The following OTUD3 variants were observed in gnomAD, a reference collection of about 807,000 sequenced individuals.
OTUD3 encodes OTU deubiquitinase 3.
Under a neutral mutation model 46.2 loss-of-function variants are expected in OTUD3, and 24 were observed. The ratio of observed to expected loss-of-function variants is 0.52; its 90% CI spans 0.38 to 0.73. OTUD3 has a LOEUF of 0.73. Ranked by LOEUF, OTUD3 falls within the 30% of genes least tolerant of loss-of-function variation. The pLI is 0.00. For missense variants in OTUD3, 455 were observed against 523.3 expected (o/e 0.87, Z 1.27); for synonymous variants, 189 against 195.4 (o/e 0.97, Z 0.27).
chr1:19,898,648 T>G (rs892402492), intron 4 of OTUD3, among the ~76,000 whole-genome samples: 2 of 151,284 alleles, frequency 1.3e-5, no homozygotes, highest in Non-Finnish European at 2.9e-5. Context: ...GAATCACTTG[T>G]ACCTGGGAGG....
rs1325874338 is a variant in OTUD3 at position 19,912,558 on chromosome 1, A to T, written c.*4812A>T. On this transcript the variant is annotated 3_prime_UTR_variant, in exon 8 of 8. Transcript: ENST00000375120. ...TACAGAGGGGTGGATGTATCCGTGG[A>T]GGAGGGGCCTTCTCTCTTTCTAATT... 4 of 152,600 alleles carry T rather than the reference A, an allele frequency of 2.6e-5. No individual in the cohort carries two copies. Among genetic ancestry groups the T allele is most frequent in the Non-Finnish European group, 4.4e-5 (3 of 68,112 alleles). 9.5% of individuals were successfully genotyped at this position (152,600 alleles called of 1,614,324 possible).
chr1:19,892,887 C>G (rs2100270578), intron 2 of OTUD3, among the ~76,000 whole-genome samples: 1 of 152,282 alleles, frequency 6.6e-6, no homozygotes, highest in Middle Eastern at 3.4e-3. Flanking sequence ...CTTTTTAGTT[C>G]TTCATGATCT....
chr1:19,896,830 T>C (rs2045524116), intron 3 of OTUD3, among the ~76,000 whole-genome samples: 1 of 152,158 alleles, frequency 6.6e-6, no homozygotes. Flanking sequence ...GGAGCCCCAT[T>C]CTTGTGCTGT....
At position 19,907,589 on chromosome 1, in the gene OTUD3, G is replaced by A. The variant is rs61752512; in HGVS notation, c.1040G>A (p.Arg347Gln). The A allele has an allele frequency of 1.7e-3, 2,761 of 1,614,042 alleles. 5 individuals carry two copies. Among genetic ancestry groups the A allele is most frequent in the Non-Finnish European group, 2.1e-3 (2,453 of 1,179,994 alleles). The change falls in exon 8 of 8, where the codon CGA becomes CAA. Residue 347 changes from arginine to glutamine, a missense_variant. Coordinates refer to ENST00000375120, the MANE Select transcript of OTUD3 (RefSeq NM_015207.2). ...QLAKVTNKQR[R>Q]EQQWMEKKKR... is the part of the protein sequence containing the mutation. ...TCTCAGGTCACAAACAAACAGAGGC[G>A]AGAACAGCAGTGGATGGAGAAGAAG...
Position 19,882,407 on chromosome 1 carries a change from T to C in OTUD3, c.-107T>C. On this transcript the variant is annotated 5_prime_UTR_variant, in exon 1 of 8. Transcript: ENST00000375120. ...CGCAGGCGCGGTTGCTGCGTAGTCGTCGCCGGGCTCCGTTGCCCGCGCTGT... is the reference window on the plus strand; with the variant it reads ...CGCAGGCGCGGTTGCTGCGTAGTCGCCGCCGGGCTCCGTTGCCCGCGCTGT... 8 of 1,299,430 alleles carry C rather than the reference T, an allele frequency of 6.2e-6. No individual in the cohort carries two copies. The highest frequency in any genetic ancestry group is 7.8e-6 in the Non-Finnish European group (8 of 1,026,568). The allele number at this position is 1,299,430 out of a possible 1,614,324, so 80.5% of individuals were successfully genotyped here. A position where few individuals can be genotyped will look rare whatever the true frequency, so the allele number is the denominator to read the frequency against.
At chr1:19,884,272 C>G (rs910153011) in intron 1 of OTUD3, among the ~76,000 whole-genome samples, 5 of 152,050 alleles carry the variant, frequency 3.3e-5, no homozygotes, top group African/African-American at 9.7e-5. Context: ...CTGAAGTACT[C>G]AATAGAAGGT....
rs760149018 is a variant in OTUD3, at chr1:19,906,507, G to A, written c.911G>A (p.Gly304Asp). 6.8e-6 allele frequency: 11 copies of A among 1,614,100 alleles called. No homozygotes were observed. The highest frequency in any genetic ancestry group is 8.5e-6 in the Non-Finnish European group (10 of 1,180,008). The change falls in exon 7 of 8, where the codon GGT becomes GAT. Residue 304 changes from glycine to aspartate, a missense_variant. Coordinates refer to ENST00000375120, the MANE Select transcript of OTUD3 (RefSeq NM_015207.2). The part of the protein sequence containing the change: ...CGPLWEEGGS[G>D]ARIFGNQGLN... ...CCTTTGTGGGAGGAGGGTGGCAGTG[G>A]TGCCAGAATCTTTGGAAATCAGGGC...
rs1359582424 is a variant in OTUD3, at chr1:19,909,682, G to A, written c.*1936G>A. On this transcript the variant is annotated 3_prime_UTR_variant, in exon 8 of 8. Transcript: ENST00000375120. The stretch of plus-strand genomic sequence containing the variant: ...GATTGTATGCCAGAAATTCAGATTA[G>A]CAGTCAGCTTAAGAGAGACTTATTG... 6.6e-6 allele frequency: 1 copy of A among 152,346 alleles called. No homozygotes were observed. The allele number at this position is 152,346 out of a possible 1,614,324, so 9.4% of individuals were successfully genotyped here.
At chr1:19,882,868 C>A in intron 1 of OTUD3, 134 bp downstream of exon 1, 1 of 761,152 alleles carries the variant, frequency 1.3e-6, no homozygotes, top group Non-Finnish European at 1.8e-6. Context: ...AGCCACGCTC[C>A]GAGTGCAGGG....
chr1:19,887,243 C>T (rs2045376910), intron 1 of OTUD3, among the ~76,000 whole-genome samples: 1 of 152,092 alleles, frequency 6.6e-6, no homozygotes, highest in African/African-American at 2.4e-5. Context: ...CGCCACCATA[C>T]CTGGCTAATT....
intron 1 of OTUD3, among the ~76,000 whole-genome samples, chr1:19,885,327 G>A (rs2045342405): frequency 6.6e-6 from 1 of 152,196 alleles, no homozygotes; most frequent in African/African-American, 2.4e-5. Context: ...CTTCACATGA[G>A]TTCCATTAGC....
At chr1:19,885,545 C>T (rs766961616) in intron 1 of OTUD3, among the ~76,000 whole-genome samples, 3 of 152,174 alleles carry the variant, frequency 2.0e-5, no homozygotes, top group Non-Finnish European at 2.9e-5. Context: ...TCTCTGCCTC[C>T]TGGGTTCAAA....
chr1:19,905,610 G>A (rs2045649396), intron 6 of OTUD3, among the ~76,000 whole-genome samples: 1 of 151,866 alleles, frequency 6.6e-6, no homozygotes, highest in African/African-American at 2.4e-5. Flanking sequence ...GTGTGGTGGC[G>A]GGTGCCTGTA....
chr1:19,896,942 G>A (rs113915664), intron 3 of OTUD3, among the ~76,000 whole-genome samples: 4,803 of 152,260 alleles, frequency 0.032, 111 homozygotes, highest in Non-Finnish European at 0.048. Context: ...TGAAGCTGAC[G>A]TAGGTAGGAG....
intron 4 of OTUD3, 121 bp from the exon 5 acceptor site, chr1:19,904,146 G>T (rs979219059): frequency 1.4e-5 from 9 of 640,340 alleles, no homozygotes; most frequent in African/African-American, 1.8e-5. Flanking sequence ...TCTTAAGGTT[G>T]TTTCTAGAAG....
chr1:19,894,991 T>G (rs995912854), intron 3 of OTUD3, among the ~76,000 whole-genome samples: 1 of 152,226 alleles, frequency 6.6e-6, no homozygotes, highest in Non-Finnish European at 1.5e-5. Context: ...TATTTAAAAT[T>G]TTATTCAATC....
intron 3 of OTUD3, among the ~76,000 whole-genome samples, chr1:19,895,254 A>T (rs1428756592): frequency 6.6e-6 from 1 of 152,254 alleles, no homozygotes; most frequent in African/African-American, 2.4e-5. Flanking sequence ...GCTCAGTCAT[A>T]GCCTTTGCTG....
Position 19,894,349 on chromosome 1 carries a change from C to T in OTUD3, c.371-19C>T, listed in dbSNP as rs751342084. On this transcript the variant is annotated intron_variant, in intron 2 of 7. Transcript: ENST00000375120. ...TTTCCACTATAAAGACGTCATTTTTCTTTCCTATTTCCATGCAGTGGCCAG... is the reference window on the plus strand; with the variant it reads ...TTTCCACTATAAAGACGTCATTTTTTTTTCCTATTTCCATGCAGTGGCCAG... 4 of 1,457,798 alleles carry T rather than the reference C, an allele frequency of 2.7e-6. No individual in the cohort carries two copies. Among genetic ancestry groups the T allele is most frequent in the African/African-American group, 2.8e-5 (2 of 70,808 alleles). 90.3% of individuals were successfully genotyped at this position (1,457,798 alleles called of 1,614,324 possible).
chr1:19,905,856 T>TGA (rs1195227404), intron 6 of OTUD3, among the ~76,000 whole-genome samples: 1 of 152,252 alleles, frequency 6.6e-6, no homozygotes, highest in Non-Finnish European at 1.5e-5. Flanking sequence ...TCTGGCATCA[T>TGA]AGTGCTCCAT....
Sources: allele counts gnomAD v4.1 joint callset (sites outside exome capture counted in the v4.1 genomes callset), GRCh38; gene constraint gnomAD v4.1.1; transcripts MANE v1.5; gene names NCBI Gene and HGNC (gene_info 2026-07-23, HGNC 2026-07-21).